The following ETFRF1 variants were observed in gnomAD, a reference collection of about 807,000 sequenced individuals.
ETFRF1 encodes electron transfer flavoprotein regulatory factor 1.
In ETFRF1, 12 loss-of-function variants were observed where a neutral mutation model predicts 9.0. The observed-to-expected ratio is 1.34, with a 90% CI of 0.86 to 2.16. The LOEUF (loss-of-function observed/expected upper bound fraction) is 2.16, where lower values mean the gene tolerates loss of function less well. Among genes scored for constraint, ETFRF1 ranks in the 30% most tolerant of loss-of-function variants. ETFRF1 has a pLI of 0.00. For missense variants in ETFRF1, 98 were observed against 101.8 expected (o/e 0.96, Z 0.16); for synonymous variants, 34 against 33.2 (o/e 1.02, Z -0.08).
chr12:25,199,299 T>C (rs1450231832), intron 1 of ETFRF1, among the ~76,000 whole-genome samples: 1 of 148,422 alleles, frequency 6.7e-6, no homozygotes, highest in East Asian at 1.9e-4. Flanking sequence ...CTACGTAGTA[T>C]GTACTACATA....
rs528868149 is a variant in ETFRF1, at chr12:25,204,985, TA to T, written c.*677del. 18 of 203,776 alleles carry T rather than the reference TA, an allele frequency of 8.8e-5. No homozygotes were observed. The South Asian group carries it at 3.0e-3, about 34-fold the overall frequency. 12.6% of individuals were successfully genotyped at this position (203,776 alleles called of 1,614,324 possible). ...GTTGTGTATCAATTACCTTCTTTGA[TA>T]AAAGGAAATAAATAAATAATGTTAT... is the stretch of plus-strand genomic sequence containing the variant. On this transcript the variant is annotated 3_prime_UTR_variant, in exon 3 of 3. Coordinates refer to ENST00000381356, the MANE Select transcript of ETFRF1 (RefSeq NM_001001660.3).
In ETFRF1 at chr12:25,199,678, A is replaced by T. The variant is rs908726045; in HGVS notation, c.-37-4242A>T. Among the ~76,000 whole-genome samples, 3 of 150,236 alleles carry T rather than the reference A, an allele frequency of 2.0e-5. No homozygotes were observed. In the East Asian group the frequency reaches 5.8e-4, roughly 29 times the overall value. The stretch of plus-strand genomic sequence containing the variant: ...AGCCATCACCACAATCAAGACAATA[A>T]ATATATCCACTATCCACAAAGGTTG... On this transcript the variant is annotated intron_variant, in intron 1 of 2. Transcript: ENST00000381356.
In ETFRF1 at chr12:25,203,997, T is replaced by G; in HGVS notation, c.41T>G (p.Leu14Arg). ...TCTTTAAGAGGAGAAGTACTAAAAC[T>G]TTATAAAAATGTAAGTAATTATGTT... ...ANSLRGEVLK[L>R]YKNLLYLGRD... The change falls in exon 2 of 3, where the codon CTT becomes CGT. Residue 14 changes from leucine to arginine, a missense_variant. Coordinates refer to ENST00000381356, the MANE Select transcript of ETFRF1 (RefSeq NM_001001660.3). 6.6e-7 allele frequency: 1 copy of G among 1,507,480 alleles called. No individual in the cohort carries two copies. The highest frequency in any genetic ancestry group is 8.9e-7 in the Non-Finnish European group (1 of 1,127,832). The allele number at this position is 1,507,480 out of a possible 1,614,324, so 93.4% of individuals were successfully genotyped here. A position where few individuals can be genotyped will look rare whatever the true frequency, so the allele number is the denominator to read the frequency against.
At chr12:25,200,484 T>C (rs1951066114) in intron 1 of ETFRF1, among the ~76,000 whole-genome samples, 1 of 152,214 alleles carries the variant, frequency 6.6e-6, no homozygotes, top group Admixed American at 6.5e-5. Flanking sequence ...GAGAAGATTC[T>C]GTAAGTTTCT....
chr12:25,195,378 C>T, intron 1 of ETFRF1, 41 bp downstream of exon 1: 6 of 574,576 alleles, frequency 1.0e-5, no homozygotes, highest in Non-Finnish European at 3.1e-6. Flanking sequence ...TTCCATTTCC[C>T]GGATCCTGGG....
At position 25,204,546 on chromosome 12, in the gene ETFRF1, A is replaced by G. The variant is rs1951110721; in HGVS notation, c.*234A>G. On this transcript the variant is annotated 3_prime_UTR_variant, in exon 3 of 3. Coordinates refer to ENST00000381356, the MANE Select transcript of ETFRF1 (RefSeq NM_001001660.3). ...CTATACTACCGATCATAAATTAATG[A>G]GCACCCAATTTTGAATGAAAATATA... 2.9e-6 allele frequency: 1 copy of G among 340,258 alleles called. No individual in the cohort carries two copies. Among genetic ancestry groups the G allele is most frequent in the Admixed American group, 4.6e-5 (1 of 21,508 alleles). The allele number at this position is 340,258 out of a possible 1,614,324, so 21.1% of individuals were successfully genotyped here. A position where few individuals can be genotyped will look rare whatever the true frequency, so the allele number is the denominator to read the frequency against.
rs1951099419 is a variant in ETFRF1, at chr12:25,203,910, C to T, written c.-37-10C>T. On this transcript the variant is annotated splice_polypyrimidine_tract_variant and intron_variant, in intron 1 of 2. Transcript: ENST00000381356. ...TGCAGCTAATTGCAAAAAAATTTTCCTTTCTTTAGGTATGTTATGCATAAA... is the reference window on the plus strand; with the variant it reads ...TGCAGCTAATTGCAAAAAAATTTTCTTTTCTTTAGGTATGTTATGCATAAA... 8 of 1,363,784 alleles carry T rather than the reference C, an allele frequency of 5.9e-6. No homozygotes were observed. Among genetic ancestry groups the T allele is most frequent in the East Asian group, 2.7e-5 (1 of 36,672 alleles). The allele number at this position is 1,363,784 out of a possible 1,614,324, so 84.5% of individuals were successfully genotyped here. A position where few individuals can be genotyped will look rare whatever the true frequency, so the allele number is the denominator to read the frequency against.
intron 1 of ETFRF1, among the ~76,000 whole-genome samples, chr12:25,202,541 T>C (rs886797168): frequency 6.6e-6 from 1 of 151,490 alleles, no homozygotes; most frequent in African/African-American, 2.4e-5. Flanking sequence ...AATGGTGCAG[T>C]GTAAGTTGCT....
chr12:25,200,686 T>A (rs1951067433), intron 1 of ETFRF1, among the ~76,000 whole-genome samples: 2 of 152,160 alleles, frequency 1.3e-5, no homozygotes, highest in Non-Finnish European at 2.9e-5. Context: ...TTTTTAGACA[T>A]CCAGGGTCTC....
Position 25,204,439 on chromosome 12 carries a change from C to T in ETFRF1, c.*127C>T. ...AAAATCCCTGAGCTGCCCTACTGAA[C>T]TAAATAGGTTTCAACTTCTGTTCAT... On this transcript the variant is annotated 3_prime_UTR_variant, in exon 3 of 3. Coordinates refer to ENST00000381356, the MANE Select transcript of ETFRF1 (RefSeq NM_001001660.3). 1.5e-6 allele frequency: 1 copy of T among 677,998 alleles called. No individual in the cohort carries two copies. The highest frequency in any genetic ancestry group is 3.4e-5 in the South Asian group (1 of 29,054). The allele number at this position is 677,998 out of a possible 1,614,324, so 42.0% of individuals were successfully genotyped here.
At chr12:25,198,335 C>CA (rs1206387445) in intron 1 of ETFRF1, among the ~76,000 whole-genome samples, 1 of 152,068 alleles carries the variant, frequency 6.6e-6, no homozygotes, top group African/African-American at 2.4e-5. Flanking sequence ...CTGACCAGCC[C>CA]AGGAGGAGCA....
chr12:25,198,387 C>T (rs1302305333), intron 1 of ETFRF1, among the ~76,000 whole-genome samples: 2 of 152,106 alleles, frequency 1.3e-5, no homozygotes, highest in Non-Finnish European at 2.9e-5. Context: ...TAAAGGCCCA[C>T]CCAGAGCACC....
chr12:25,199,909 C>T (rs182081635), intron 1 of ETFRF1, among the ~76,000 whole-genome samples: 1 of 152,082 alleles, frequency 6.6e-6, no homozygotes, highest in Admixed American at 6.5e-5. Flanking sequence ...GAGAAAATCC[C>T]CCATACAACT....
chr12:25,204,063 T>C (rs748605838), intron 2 of ETFRF1, 28 bp from the exon 3 acceptor site: 20 of 1,548,178 alleles, frequency 1.3e-5, no homozygotes, highest in Admixed American at 9.8e-5. Context: ...ATGGATTGTT[T>C]AGAAATATAT....
intron 1 of ETFRF1, among the ~76,000 whole-genome samples, chr12:25,198,644 C>T (rs1302455024): frequency 1.3e-5 from 2 of 152,114 alleles, no homozygotes; most frequent in Non-Finnish European, 2.9e-5. Flanking sequence ...AAGCAAGAAT[C>T]AGTGAACTTG....
rs147480774 is a variant in ETFRF1 at position 25,203,939 on chromosome 12, G to A, written c.-18G>A. 4.0e-5 allele frequency: 58 copies of A among 1,444,540 alleles called. No homozygotes were observed. The African/African-American group carries it at 7.2e-4, about 18-fold the overall frequency. 89.5% of individuals were successfully genotyped at this position (1,444,540 alleles called of 1,614,324 possible). ...CTTTAGGTATGTTATGCATAAAAGT[G>A]GATAATTTACATGATAAATGAAAAT... On this transcript the variant is annotated 5_prime_UTR_variant, in exon 2 of 3. Transcript: ENST00000381356.
intron 1 of ETFRF1, among the ~76,000 whole-genome samples, chr12:25,203,239 G>A (rs1019788266): frequency 6.6e-6 from 1 of 152,196 alleles, no homozygotes; most frequent in African/African-American, 2.4e-5. Context: ...CTGTCATGAT[G>A]CCTTTAAGTT....
chr12:25,202,667 C>T (rs887858803), intron 1 of ETFRF1, among the ~76,000 whole-genome samples: 77 of 151,688 alleles, frequency 5.1e-4, no homozygotes, highest in African/African-American at 1.7e-3. Context: ...GTGTGTGCGC[C>T]GAATGGTGAC....
chr12:25,200,027 T>C (rs1951062398), intron 1 of ETFRF1, among the ~76,000 whole-genome samples: 2 of 151,958 alleles, frequency 1.3e-5, no homozygotes, highest in African/African-American at 4.8e-5. Flanking sequence ...CTGGCCAACA[T>C]GGTGAAAAGC....
Sources: allele counts gnomAD v4.1 joint callset (sites outside exome capture counted in the v4.1 genomes callset), GRCh38; gene constraint gnomAD v4.1.1; transcripts MANE v1.5; gene names NCBI Gene and HGNC (gene_info 2026-07-23, HGNC 2026-07-21).